Variants in LRBA observed in about 807,000 individuals in gnomAD.
The protein encoded by LRBA is lipopolysaccharide-responsive and beige-like anchor protein.
Under a neutral mutation model 330.0 loss-of-function variants are expected in LRBA, and 176 were observed. The ratio of observed to expected loss-of-function variants is 0.53; its 90% CI spans 0.47 to 0.60. LRBA has a LOEUF of 0.60. Among genes scored for constraint, LRBA ranks in the 20% least tolerant of loss-of-function variants. The pLI is 0.00. For missense variants in LRBA, 3,259 were observed against 3,444.8 expected, an observed-to-expected ratio of 0.95 and a Z score of 1.35; for synonymous variants, 1,230 against 1,193.0, an observed-to-expected ratio of 1.03 and a Z score of -0.64.
intron 2 of LRBA, among the ~76,000 whole-genome samples, chr4:150,975,819 T>C (rs1255970062): frequency 6.6e-6 from 1 of 151,586 alleles, no homozygotes; most frequent in East Asian, 1.9e-4. Context: ...CTAATGGAAA[T>C]ATGGGACAGT....
chr4:150,850,517 C>T (rs2126913757), intron 24 of LRBA, among the ~76,000 whole-genome samples: 1 of 152,296 alleles, frequency 6.6e-6, no homozygotes, highest in African/African-American at 2.4e-5. Flanking sequence ...AGAGAAACCT[C>T]TGCTTTTCAC....
intron 40 of LRBA, among the ~76,000 whole-genome samples, chr4:150,528,444 T>C (rs1446044991): frequency 6.7e-6 from 1 of 149,370 alleles, no homozygotes; most frequent in Non-Finnish European, 1.5e-5. Context: ...GAGCTTGCAG[T>C]GAGCCGAGAT....
chr4:150,518,377 G>T (rs1385328936), intron 40 of LRBA, among the ~76,000 whole-genome samples: 1 of 152,074 alleles, frequency 6.6e-6, no homozygotes, highest in Non-Finnish European at 1.5e-5. Flanking sequence ...TGTTTATTTT[G>T]GGAATTTTTT....
chr4:151,008,008 G>C (rs1294714929), intron 2 of LRBA, among the ~76,000 whole-genome samples: 1 of 151,880 alleles, frequency 6.6e-6, no homozygotes, highest in Non-Finnish European at 1.5e-5. Context: ...TTAGATTGTG[G>C]TAATAGGTGC....
At chr4:150,379,733 C>T (rs548958077) in intron 47 of LRBA, among the ~76,000 whole-genome samples, 1 of 152,310 alleles carries the variant, frequency 6.6e-6, no homozygotes, top group Non-Finnish European at 1.5e-5. Context: ...CTATTACTAA[C>T]TCTAGGAAGA....
rs1768895076 is a variant in LRBA at position 150,564,709 on chromosome 4, A to G, written c.6330+23339T>C. ...TTACGAGAAAAAAACAACCCCATCA[A>G]AAAGTGGGCAAAGGATATGAACAGA... is the stretch of plus-strand genomic sequence containing the variant. On this transcript the variant is annotated intron_variant, in intron 40 of 56. Transcript: ENST00000651943. Among the ~76,000 whole-genome samples, 4 of 152,336 alleles carry G rather than the reference A, an allele frequency of 2.6e-5. No homozygotes were observed. In the South Asian group the frequency reaches 8.3e-4, roughly 32 times the overall value.
intron 55 of LRBA, among the ~76,000 whole-genome samples, chr4:150,280,087 A>T (rs1747314509): frequency 6.6e-6 from 1 of 152,218 alleles, no homozygotes; most frequent in Non-Finnish European, 1.5e-5. Context: ...CATTCAAAAC[A>T]TTTTAATGAA....
intron 47 of LRBA, among the ~76,000 whole-genome samples, chr4:150,401,400 A>G (rs757554826): frequency 4.6e-5 from 7 of 152,236 alleles, no homozygotes; most frequent in Non-Finnish European, 8.8e-5. Context: ...CGATAACATC[A>G]TAACTAAATG....
At chr4:150,584,022 C>G (rs1368905106) in intron 40 of LRBA, 1 of 1,613,598 alleles carries the variant, frequency 6.2e-7, no homozygotes, top group Non-Finnish European at 8.5e-7. Flanking sequence ...AGGGCAAGCC[C>G]CATTCGGCCC....
chr4:150,458,942 A>G (rs978920669), intron 44 of LRBA, among the ~76,000 whole-genome samples: 1 of 151,976 alleles, frequency 6.6e-6, no homozygotes, highest in South Asian at 2.1e-4. Context: ...ATTTTTAAGA[A>G]TGAGACACTG....
chr4:151,015,556 G>A, upstream of LRBA: 1 of 153,020 alleles, frequency 6.5e-6, no homozygotes, highest in Non-Finnish European at 1.5e-5. Context: ...GGCCCGCCCC[G>A]CCCCTGCGCT....
intron 36 of LRBA, among the ~76,000 whole-genome samples, chr4:150,712,567 C>A (rs533919249): frequency 6.6e-4 from 100 of 152,288 alleles, no homozygotes; most frequent in African/African-American, 2.1e-3. Context: ...ATTTTCATGT[C>A]ATGTTCTCTC....
intron 40 of LRBA, among the ~76,000 whole-genome samples, chr4:150,587,088 TA>T (rs542351015): frequency 9.2e-4 from 140 of 152,274 alleles, no homozygotes; most frequent in South Asian, 3.1e-3. Flanking sequence ...AAGGCAGCAA[TA>T]TTGAAACAAA....
chr4:150,583,140 G>A lies in LRBA; in HGVS notation c.6330+4908C>T. ...AAACCATCCGAGAGGTCTGTAAGGT[G>A]GTCTCGGACGTGCTCAAGGAAGTGG... On this transcript the variant is annotated intron_variant, in intron 40 of 56. Transcript: ENST00000651943. This position sits in a 1 kb window ranked among gnomAD's most constrained non-coding sequence, Gnocchi z 9.8. The A allele has an allele frequency of 6.2e-7, 1 of 1,614,214 alleles. No individual in the cohort carries two copies. The highest frequency in any genetic ancestry group is 8.5e-7 in the Non-Finnish European group (1 of 1,180,022).
intron 44 of LRBA, among the ~76,000 whole-genome samples, chr4:150,447,970 T>C (rs1752821222): frequency 6.6e-6 from 1 of 152,206 alleles, no homozygotes; most frequent in African/African-American, 2.4e-5. Flanking sequence ...AAGAATGCAC[T>C]AGACAATTCA....
chr4:150,616,597 G>A (rs916871939), intron 37 of LRBA, among the ~76,000 whole-genome samples: 2 of 152,092 alleles, frequency 1.3e-5, no homozygotes, highest in Non-Finnish European at 2.9e-5. Context: ...ATGACTATTG[G>A]ATTTAACAAT....
chr4:150,474,466 A>G (rs1023543312), intron 42 of LRBA, among the ~76,000 whole-genome samples: 4 of 152,120 alleles, frequency 2.6e-5, no homozygotes, highest in African/African-American at 9.7e-5. Flanking sequence ...TTTTGTTCTT[A>G]TATTTCAAAA....
intron 17 of LRBA, among the ~76,000 whole-genome samples, chr4:150,881,943 G>C (rs182263718): frequency 1.8e-4 from 27 of 152,148 alleles, no homozygotes; most frequent in African/African-American, 6.5e-4. Context: ...AAAATTAGTT[G>C]GGTGTGGTGG....
intron 2 of LRBA, among the ~76,000 whole-genome samples, chr4:150,932,674 G>T (rs1004490758): frequency 6.6e-6 from 1 of 152,104 alleles, no homozygotes; most frequent in South Asian, 2.1e-4. Context: ...CCGGGACTTT[G>T]GGAGGCCGAG....
Sources: gnomAD v4.1 joint callset for allele counts (sites outside exome capture counted in the v4.1 genomes callset) on GRCh38, gnomAD v4.1.1 for gene constraint, Gnocchi (gnomAD v3.1) non-coding constraint, MANE v1.5 for transcripts, NCBI Gene and HGNC (gene_info 2026-07-23, HGNC 2026-07-21) for gene names.